PIEZO2: variants seen among roughly 807,000 people sequenced by gnomAD.
The protein encoded by PIEZO2 is piezo type mechanosensitive ion channel component 2, also known as piezo-type mechanosensitive ion channel component 2.
Under a neutral mutation model 337.3 loss-of-function variants are expected in PIEZO2, and 172 were observed. The ratio of observed to expected loss-of-function variants is 0.51; its 90% CI spans 0.45 to 0.58. The LOEUF (loss-of-function observed/expected upper bound fraction) is 0.58. Ranked by LOEUF, PIEZO2 falls within the 20% of genes least tolerant of loss-of-function variation. PIEZO2 has a pLI of 0.00. For synonymous variants in PIEZO2, 1,251 were observed against 1,228.5 expected (o/e 1.02, Z -0.38); for missense variants, 3,028 against 3,391.3 (o/e 0.89, Z 2.66).
chr18:10,810,739 A>G (rs1475342554), intron 7 of PIEZO2, among the ~76,000 whole-genome samples: 2 of 152,120 alleles, frequency 1.3e-5, no homozygotes, highest in East Asian at 3.9e-4. Flanking sequence ...CCAAATCAAG[A>G]ATTGGGGGTA....
intron 36 of PIEZO2, among the ~76,000 whole-genome samples, chr18:10,720,841 A>G (rs1454944841): frequency 6.6e-6 from 1 of 151,874 alleles, no homozygotes; most frequent in Non-Finnish European, 1.5e-5. Flanking sequence ...CCTCTTTACT[A>G]CTGCTGCTCC....
At chr18:11,004,718 A>ATAGATTATC (rs1203006788) in intron 2 of PIEZO2, among the ~76,000 whole-genome samples, 1 of 152,240 alleles carries the variant, frequency 6.6e-6, no homozygotes, top group Non-Finnish European at 1.5e-5. Flanking sequence ...TGCTCTTGAT[A>ATAGATTATC]ATCTATTGTT....
At chr18:11,072,484 A>G (rs1335070631) in intron 1 of PIEZO2, among the ~76,000 whole-genome samples, 1 of 152,202 alleles carries the variant, frequency 6.6e-6, no homozygotes, top group Non-Finnish European at 1.5e-5. Context: ...AAGAAGAATA[A>G]AAGTCGCTCA....
intron 18 of PIEZO2, 75 bp downstream of exon 18, chr18:10,780,249 AT>A (rs1192668594): frequency 1.9e-5 from 13 of 699,108 alleles, no homozygotes; most frequent in Non-Finnish European, 3.4e-5. Flanking sequence ...ATTTTCATGT[AT>A]AAAGCAGTTA....
intron 49 of PIEZO2, among the ~76,000 whole-genome samples, chr18:10,683,082 C>T (rs189743891): frequency 1.3e-4 from 20 of 152,380 alleles, no homozygotes; most frequent in Non-Finnish European, 2.8e-4. Context: ...TCCATGACCT[C>T]CATCCTTTCA....
At chr18:10,789,430 G>A in intron 14 of PIEZO2, 65 bp from the exon 15 acceptor site, 1 of 1,469,748 alleles carries the variant, frequency 6.8e-7, no homozygotes, top group African/African-American at 1.4e-5. Flanking sequence ...CTTTGACCAT[G>A]TGATAGGTAT....
At chr18:10,772,221 C>T (rs541478371) in intron 20 of PIEZO2, among the ~76,000 whole-genome samples, 4 of 152,230 alleles carry the variant, frequency 2.6e-5, no homozygotes, top group African/African-American at 9.6e-5. Context: ...TAGAACATGT[C>T]CCCCAAGGCT....
chr18:11,090,916 A>G (rs1376052692), intron 1 of PIEZO2, among the ~76,000 whole-genome samples: 1 of 148,390 alleles, frequency 6.7e-6, no homozygotes, highest in Admixed American at 6.7e-5. Context: ...TCCGTCTAAA[A>G]AAAAAAAAAA....
Position 10,855,515 on chromosome 18 carries a change from C to T in PIEZO2, c.755G>A (p.Gly252Asp). ...TSSVYFFVFLGLCTWWSWCRT... is the reference protein window; with the variant it reads ...TSSVYFFVFLDLCTWWSWCRT... ...GCACCAGGACCACCAGGTGCACAGA[C>T]CCAAAAATACAAAAAAATACACAGA... The change falls in exon 7 of 56, where the codon GGT becomes GAT. Residue 252 changes from glycine (G) to aspartate (D), a missense_variant. Physicochemically the swap from Gly to Asp is moderately conservative, Grantham distance 94. This residue lies in a region of PIEZO2 where 542 missense variants were observed against 605.6 expected (regional missense o/e 0.89). Coordinates refer to ENST00000674853, the MANE Select transcript of PIEZO2 (RefSeq NM_001378183.1). The surrounding 1 kb of genome is among the most constrained non-coding windows in gnomAD (Gnocchi z 4.9). The T allele has an allele frequency of 6.5e-7, 1 of 1,536,810 alleles. No individual in the cohort carries two copies. The highest frequency in any genetic ancestry group is 2.0e-5 in the Admixed American group (1 of 50,980).
rs374854452 is a variant in PIEZO2, at chr18:11,070,248, T to C, written c.65-4026A>G. ...TAATACAATGGTAAGGATTTATGTATCTAAACATATCTAAATACAGAAAAA... is the reference window on the plus strand; with the variant it reads ...TAATACAATGGTAAGGATTTATGTACCTAAACATATCTAAATACAGAAAAA... On this transcript the variant is annotated intron_variant, in intron 1 of 55. Coordinates refer to ENST00000674853, the MANE Select transcript of PIEZO2 (RefSeq NM_001378183.1). This position sits in a 1 kb window ranked among gnomAD's most constrained non-coding sequence, Gnocchi z 4.3. Among the ~76,000 whole-genome samples, 1 of 152,172 alleles carries C rather than the reference T, an allele frequency of 6.6e-6. No homozygotes were observed. The highest frequency in any genetic ancestry group is 2.4e-5 in the African/African-American group (1 of 41,432).
intron 4 of PIEZO2, among the ~76,000 whole-genome samples, chr18:10,890,907 TA>T (rs1308170083): frequency 6.6e-6 from 1 of 152,244 alleles, no homozygotes; most frequent in Non-Finnish European, 1.5e-5. Flanking sequence ...AATCAACCAG[TA>T]CTTTATTTTT....
rs372342850 is a variant in PIEZO2 at position 10,943,280 on chromosome 18, T to C, written c.287-32052A>G. Reference sequence around the variant, plus strand: ...CCACCAACAGCTTGCACCATGTGCCTGGAAAAGCCGCAGACACTCAACTCC... The same window carrying C: ...CCACCAACAGCTTGCACCATGTGCCCGGAAAAGCCGCAGACACTCAACTCC... On this transcript the variant is annotated intron_variant, in intron 3 of 55. Transcript: ENST00000674853. The surrounding 1 kb of genome is among the most constrained non-coding windows in gnomAD (Gnocchi z 4.5). Among the ~76,000 whole-genome samples, 4 of 152,238 alleles carry C rather than the reference T, an allele frequency of 2.6e-5. No homozygotes were observed. The highest frequency in any genetic ancestry group is 1.3e-4 in the Admixed American group (2 of 15,296).
At position 10,702,258 on chromosome 18, in the gene PIEZO2, A is replaced by G; in HGVS notation, c.6259-87T>C. On this transcript the variant is annotated intron_variant, in intron 42 of 55. Coordinates refer to ENST00000674853, the MANE Select transcript of PIEZO2 (RefSeq NM_001378183.1). ...ATGGGAAAGAGCAATATAACAATTA[A>G]GAAAGAGACCCGCATTTCACAGTTT... 19 of 1,282,682 alleles carry G rather than the reference A, an allele frequency of 1.5e-5. 1 individual carries two copies. The South Asian group carries it at 2.7e-4, about 18-fold the overall frequency. The allele number at this position is 1,282,682 out of a possible 1,614,324, so 79.5% of individuals were successfully genotyped here.
intron 7 of PIEZO2, among the ~76,000 whole-genome samples, chr18:10,852,571 CCT>C (rs2041586974): frequency 1.3e-5 from 2 of 152,188 alleles, no homozygotes; most frequent in Non-Finnish European, 2.9e-5. Context: ...GCCACTGGGC[CCT>C]CTCACACATT....
chr18:10,809,405 G>C (rs1043612507), intron 7 of PIEZO2, among the ~76,000 whole-genome samples: 18 of 151,242 alleles, frequency 1.2e-4, no homozygotes, highest in African/African-American at 4.1e-4. Context: ...CAAGTAGCTG[G>C]AACCACAGGT....
rs115825731 is a variant in PIEZO2 at position 10,781,193 on chromosome 18, G to A, written c.2493-827C>T. On this transcript the variant is annotated intron_variant, in intron 17 of 55. Coordinates refer to ENST00000674853, the MANE Select transcript of PIEZO2 (RefSeq NM_001378183.1). This position sits in a 1 kb window ranked among gnomAD's most constrained non-coding sequence, Gnocchi z 4.1. ...AGCTATAAAAGTAATGAATATGGCC[G>A]GGTGTGGTGGCTCACGCCTGTAATC... Among the ~76,000 whole-genome samples the A allele has an allele frequency of 0.067, 10,123 of 152,086 alleles. 370 individuals carry two copies. Among genetic ancestry groups the A allele is most frequent in the African/African-American group, 0.085 (3,515 of 41,506 alleles).
chr18:10,909,071 G>A (rs919480071), intron 4 of PIEZO2, among the ~76,000 whole-genome samples: 1 of 152,218 alleles, frequency 6.6e-6, no homozygotes, highest in Non-Finnish European at 1.5e-5. Context: ...GCTGAGCCAA[G>A]GAGAAACAGG....
chr18:10,887,586 C>A (rs1179005556), intron 4 of PIEZO2, among the ~76,000 whole-genome samples: 1 of 152,172 alleles, frequency 6.6e-6, no homozygotes, highest in Non-Finnish European at 1.5e-5. Flanking sequence ...AGCATTGACA[C>A]AACACTGCCA....
intron 35 of PIEZO2, among the ~76,000 whole-genome samples, chr18:10,735,014 A>G (rs537906488): frequency 2.6e-5 from 4 of 152,334 alleles, no homozygotes; most frequent in Admixed American, 2.0e-4. Flanking sequence ...TTCGATAGTT[A>G]CTGGTGTCCA....
Sources: allele counts gnomAD v4.1 joint callset (sites outside exome capture counted in the v4.1 genomes callset), GRCh38; gene constraint gnomAD v4.1.1; regional missense constraint gnomAD v4.1.1; non-coding constraint Gnocchi (gnomAD v3.1); transcripts MANE v1.5; gene names NCBI Gene and HGNC (gene_info 2026-07-23, HGNC 2026-07-21).